GCH1: variants seen among roughly 807,000 people sequenced by gnomAD.
GCH1 encodes GTP cyclohydrolase 1.
A neutral mutation model predicts 25.9 loss-of-function variants in GCH1; 5 were observed. The observed-to-expected ratio is 0.19, with a 90% CI of 0.10 to 0.41. GCH1 has a LOEUF of 0.41. Ranked by LOEUF, GCH1 falls within the 10% of genes least tolerant of loss-of-function variation. The pLI is 1.00. For synonymous variants in GCH1, 159 were observed against 129.6 expected, an observed-to-expected ratio of 1.23 and a Z score of -1.54; for missense variants, 261 against 336.5, an observed-to-expected ratio of 0.78 and a Z score of 1.75.
chr14:54,842,852 C>CAG lies in GCH1; in HGVS notation c.*1164_*1165insCT. On this transcript the variant is annotated 3_prime_UTR_variant, in exon 6 of 6. Coordinates refer to ENST00000491895, the MANE Select transcript of GCH1 (RefSeq NM_000161.3). ...GGCAACAGCTTCCAGGATTAAAATA[C>CAG]CTATACCATCTATACGGAGTTACAA... 2.3e-6 allele frequency: 1 copy of CAG among 431,332 alleles called. No homozygotes were observed. The allele number at this position is 431,332 out of a possible 1,614,324, so 26.7% of individuals were successfully genotyped here. A position where few individuals can be genotyped will look rare whatever the true frequency, so the allele number is the denominator to read the frequency against.
intron 1 of GCH1, among the ~76,000 whole-genome samples, chr14:54,893,810 C>T (rs1019648211): frequency 9.2e-5 from 14 of 152,210 alleles, no homozygotes; most frequent in African/African-American, 2.4e-4. Context: ...GAACATCAGT[C>T]GGCTTAAGCA....
At chr14:54,872,455 C>A (rs947746293) in intron 1 of GCH1, among the ~76,000 whole-genome samples, 1 of 152,160 alleles carries the variant, frequency 6.6e-6, no homozygotes, top group African/African-American at 2.4e-5. Context: ...AGCAAAATAA[C>A]CAGCTAACAT....
rs1431446334 is a variant in GCH1 at position 54,843,055 on chromosome 14, C to A, written c.*962G>T. ...GCGTGGAAGCTATGGTTCTGCAGAC[C>A]TGAAAATGATGGGCACTCTCAAATG... On this transcript the variant is annotated 3_prime_UTR_variant, in exon 6 of 6. Transcript: ENST00000491895. 1 of 1,092,122 alleles carries A rather than the reference C, an allele frequency of 9.2e-7. No individual in the cohort carries two copies. Among genetic ancestry groups the A allele is most frequent in the Non-Finnish European group, 1.4e-6 (1 of 705,012 alleles). 67.7% of individuals were successfully genotyped at this position (1,092,122 alleles called of 1,614,324 possible). A position where few individuals can be genotyped will look rare whatever the true frequency, so the allele number is the denominator to read the frequency against.
At chr14:54,861,786 T>A (rs1031929588) in intron 2 of GCH1, among the ~76,000 whole-genome samples, 2 of 151,432 alleles carry the variant, frequency 1.3e-5, no homozygotes, top group Non-Finnish European at 2.9e-5. Context: ...ACACAAACAC[T>A]GAGGAAGTAA....
At chr14:54,876,151 A>T (rs1415515490) in intron 1 of GCH1, among the ~76,000 whole-genome samples, 1 of 152,226 alleles carries the variant, frequency 6.6e-6, no homozygotes. Flanking sequence ...TATACACCAC[A>T]GAATACTATG....
rs34635384 is a variant in GCH1, at chr14:54,880,431, CATAT to C, written c.344-14999_344-14996del. ...TAATATATAAAATATATATATACTC[CATAT>C]ATATATATACTCCATATAAATATAT... On this transcript the variant is annotated intron_variant, in intron 1 of 5. Transcript: ENST00000491895. 3.1e-4 allele frequency among the ~76,000 whole-genome samples: 26 copies of C among 84,156 alleles called. 1 individual carries two copies. The highest frequency in any genetic ancestry group is 1.4e-3 in the African/African-American group (23 of 16,014). 55.2% of individuals were successfully genotyped at this position (84,156 alleles called of 152,430 possible). A position where few individuals can be genotyped will look rare whatever the true frequency, so the allele number is the denominator to read the frequency against.
intron 1 of GCH1, among the ~76,000 whole-genome samples, chr14:54,888,888 A>G (rs565319169): frequency 6.6e-6 from 1 of 152,278 alleles, no homozygotes; most frequent in East Asian, 1.9e-4. Context: ...AATTTCCAAC[A>G]TGCTAAATAT....
intron 2 of GCH1, among the ~76,000 whole-genome samples, chr14:54,861,135 G>A (rs1411369970): frequency 6.6e-6 from 1 of 152,098 alleles, no homozygotes; most frequent in Non-Finnish European, 1.5e-5. Context: ...TGTTTTCATT[G>A]TTCACTTACT....
intron 3 of GCH1, among the ~76,000 whole-genome samples, chr14:54,847,734 C>T (rs1402177250): frequency 1.3e-5 from 2 of 151,972 alleles, no homozygotes. Flanking sequence ...CAGAAGACCA[C>T]CAACCACTGC....
Position 54,902,430 on chromosome 14 carries a change from G to C in GCH1, c.234C>G (p.Ile78Met), listed in dbSNP as rs747393714. Reference protein sequence around the residue: ...LPNLAAAYSSILSSLGENPQR... With the variant: ...LPNLAAAYSSMLSSLGENPQR... ...GGGGGTTCTCGCCCAGCGAGCTCAG[G>C]ATGGACGAGTAGGCGGCTGCCAGGT... The change falls in exon 1 of 6, where the codon ATC becomes ATG. Residue 78 changes from isoleucine to methionine, a missense_variant. By Grantham distance (10) the Ile-to-Met change is conservative. Transcript: ENST00000491895. 6.2e-7 allele frequency: 1 copy of C among 1,613,068 alleles called. No individual in the cohort carries two copies. Among genetic ancestry groups the C allele is most frequent in the Non-Finnish European group, 8.5e-7 (1 of 1,179,822 alleles).
chr14:54,859,870 C>A, intron 2 of GCH1, 134 bp from the exon 3 acceptor site: 1 of 688,902 alleles, frequency 1.5e-6, no homozygotes, highest in South Asian at 1.5e-5. Context: ...TTGAAAACAT[C>A]TGGAACTGTT....
intron 1 of GCH1, among the ~76,000 whole-genome samples, chr14:54,898,079 G>C (rs1416412888): frequency 1.3e-5 from 2 of 152,158 alleles, no homozygotes; most frequent in East Asian, 3.9e-4. Flanking sequence ...AATGGTATTT[G>C]TGTATTTAAA....
intron 1 of GCH1, among the ~76,000 whole-genome samples, chr14:54,870,935 G>A (rs10145097): frequency 0.21 from 32,708 of 152,132 alleles, 4,905 homozygotes; most frequent in East Asian, 0.41. Flanking sequence ...CGGCATAGCC[G>A]AACAAAAGGC....
chr14:54,882,679 AC>A (rs1180657089), intron 1 of GCH1, among the ~76,000 whole-genome samples: 1 of 152,158 alleles, frequency 6.6e-6, no homozygotes. Context: ...GAAAAAAAAA[AC>A]ACACCAATCT....
intron 1 of GCH1, among the ~76,000 whole-genome samples, chr14:54,868,520 T>C (rs1324111450): frequency 2.6e-5 from 4 of 152,136 alleles, no homozygotes; most frequent in African/African-American, 4.8e-5. Flanking sequence ...ACTAGAGAAA[T>C]GACAATGAAA....
intron 1 of GCH1, among the ~76,000 whole-genome samples, chr14:54,891,271 T>A (rs1223493536): frequency 6.6e-6 from 1 of 150,862 alleles, no homozygotes; most frequent in East Asian, 1.9e-4. Context: ...CCCAGCAAAT[T>A]TTTTTGTATT....
At chr14:54,888,081 C>T (rs2040376537) in intron 1 of GCH1, among the ~76,000 whole-genome samples, 2 of 152,144 alleles carry the variant, frequency 1.3e-5, no homozygotes, top group Non-Finnish European at 2.9e-5. Context: ...TAAATAAAGG[C>T]TCTGTCTAAT....
intron 1 of GCH1, among the ~76,000 whole-genome samples, chr14:54,875,658 G>A (rs2040147877): frequency 6.6e-6 from 1 of 152,154 alleles, no homozygotes; most frequent in South Asian, 2.1e-4. Flanking sequence ...CAAAAAGTGG[G>A]TGAAGGATAT....
chr14:54,879,158 C>T (rs1041620949), intron 1 of GCH1, among the ~76,000 whole-genome samples: 11 of 152,098 alleles, frequency 7.2e-5, no homozygotes, highest in South Asian at 2.1e-4. Flanking sequence ...CAGTGGTTCA[C>T]GCCTGTAATC....
Sources: allele counts gnomAD v4.1 joint callset (sites outside exome capture counted in the v4.1 genomes callset), GRCh38; gene constraint gnomAD v4.1.1; transcripts MANE v1.5; gene names NCBI Gene and HGNC (gene_info 2026-07-23, HGNC 2026-07-21).